Variants in GPD2 observed in about 807,000 individuals in gnomAD.
The protein encoded by GPD2 is glycerol-3-phosphate dehydrogenase 2, also known as glycerol-3-phosphate dehydrogenase, mitochondrial.
In GPD2, 54 loss-of-function variants were observed where a neutral mutation model predicts 82.4. That is an observed-to-expected ratio of 0.66 (90% CI 0.53 to 0.82). The LOEUF (loss-of-function observed/expected upper bound fraction) is 0.82, where lower values mean the gene tolerates loss of function less well. GPD2 is among the 40% of genes least tolerant of loss of function. GPD2 has a pLI of 0.00. For missense variants in GPD2, 748 were observed against 896.2 expected, an observed-to-expected ratio of 0.83 and a Z score of 2.11; for synonymous variants, 288 against 306.1, an observed-to-expected ratio of 0.94 and a Z score of 0.62.
At chr2:156,436,823 T>C (rs1681941690) in intron 1 of GPD2, among the ~76,000 whole-genome samples, 1 of 152,158 alleles carries the variant, frequency 6.6e-6, no homozygotes, top group Admixed American at 6.5e-5. Flanking sequence ...CTGATAAGGA[T>C]TGTTGCTCCC....
chr2:156,486,693 CTTTA>C (rs1435857041), intron 2 of GPD2, among the ~76,000 whole-genome samples: 1 of 152,116 alleles, frequency 6.6e-6, no homozygotes, highest in East Asian at 1.9e-4. Context: ...TCCAATTTTG[CTTTA>C]TTTGTTTTGT....
At chr2:156,569,628 T>G (rs1000346011) in intron 11 of GPD2, 90 bp downstream of exon 11, 30 of 959,884 alleles carry the variant, frequency 3.1e-5, no homozygotes, top group Non-Finnish European at 4.9e-5. Context: ...TCTCCCTGAT[T>G]GAGATTTCCT....
At chr2:156,472,191 C>CT (rs142499458) in intron 1 of GPD2, among the ~76,000 whole-genome samples, 5,779 of 149,058 alleles carry the variant, frequency 0.039, 361 homozygotes, top group African/African-American at 0.13. Context: ...AGGAAATAAT[C>CT]TTTTTTTTTT....
Position 156,476,152 on chromosome 2 carries a change from G to T in GPD2, c.47G>T (p.Gly16Val), listed in dbSNP as rs536298453. The change falls in exon 2 of 17, where the codon GGT (glycine) becomes GTT (valine). Residue 16 changes from glycine (G) to valine (V), a missense_variant. Gly to Val is a moderately radical substitution (Grantham distance 109). Around this residue, in one of 3 missense-constraint regions of GPD2, gnomAD observed 692 missense variants for 809.7 expected, o/e 0.85. Transcript: ENST00000438166. ...AAAGGGACGATTCTTGTTGGAGGAG[G>T]TGCTCTTGCAACTGTTTTAGGACTT... ...AVKGTILVGG[G>V]ALATVLGLSQ... is the part of the protein sequence containing the mutation. 6.2e-7 allele frequency: 1 copy of T among 1,611,268 alleles called. No individual in the cohort carries two copies. The highest frequency in any genetic ancestry group is 8.5e-7 in the Non-Finnish European group (1 of 1,177,472).
chr2:156,400,832 G>A, the GPD2 span, among the ~76,000 whole-genome samples: 2 of 152,278 alleles, frequency 1.3e-5, no homozygotes, highest in East Asian at 1.9e-4. Flanking sequence ...TCAATCCCCG[G>A]CATCTCCAAA....
chr2:156,460,878 T>C (rs755675486), intron 1 of GPD2, among the ~76,000 whole-genome samples: 2 of 152,204 alleles, frequency 1.3e-5, no homozygotes, highest in Non-Finnish European at 2.9e-5. Context: ...ATCTTGTAGA[T>C]TGCAGTTGGT....
At position 156,570,147 on chromosome 2, in the gene GPD2, A is replaced by G; in HGVS notation, c.1537A>G (p.Ser513Gly). The G allele has an allele frequency of 6.2e-7, 1 of 1,612,676 alleles. No homozygotes were observed. Among genetic ancestry groups the G allele is most frequent in the African/African-American group, 1.3e-5 (1 of 75,002 alleles). Reference protein sequence around the residue: ...DKAFEVAKMASVTGKRWPIVG... With the variant: ...DKAFEVAKMAGVTGKRWPIVG... ...GGCCTTTGAGGTGGCCAAAATGGCA[A>G]GTGTGACTGGCAAAAGGTGGCCTAT... Residue 513 changes from serine to glycine, a missense_variant, in exon 12 of 17, where the codon AGT becomes GGT. This residue lies in a region of GPD2 where 692 missense variants were observed against 809.7 expected (regional missense o/e 0.85). Coordinates refer to ENST00000438166, the MANE Select transcript of GPD2 (RefSeq NM_000408.5).
intron 1 of GPD2, among the ~76,000 whole-genome samples, chr2:156,453,478 G>C (rs539483299): frequency 6.6e-6 from 1 of 152,086 alleles, no homozygotes; most frequent in Non-Finnish European, 1.5e-5. Flanking sequence ...TGGAGTCTGC[G>C]GAGTTGATAT....
At chr2:156,461,831 G>A (rs887852323) in intron 1 of GPD2, among the ~76,000 whole-genome samples, 3 of 152,192 alleles carry the variant, frequency 2.0e-5, no homozygotes, top group Non-Finnish European at 4.4e-5. Flanking sequence ...CTGGAACAGT[G>A]CTGGGGATCT....
At chr2:156,503,805 A>G (rs1374510229) in intron 3 of GPD2, among the ~76,000 whole-genome samples, 2 of 152,216 alleles carry the variant, frequency 1.3e-5, no homozygotes, top group African/African-American at 4.8e-5. Flanking sequence ...TTTTGTAACT[A>G]GGAAACCAGG....
At chr2:156,490,526 A>T (rs893113008) in intron 2 of GPD2, among the ~76,000 whole-genome samples, 6 of 152,210 alleles carry the variant, frequency 3.9e-5, no homozygotes, top group African/African-American at 7.2e-5. Flanking sequence ...ACAAAACTAT[A>T]CCAAACAAAC....
At chr2:156,452,154 C>G (rs903263447) in intron 1 of GPD2, among the ~76,000 whole-genome samples, 2 of 152,184 alleles carry the variant, frequency 1.3e-5, no homozygotes, top group African/African-American at 4.8e-5. Context: ...GACTGGGTGG[C>G]GGCCGGGCAG....
At chr2:156,487,817 T>C in intron 2 of GPD2, among the ~76,000 whole-genome samples, 1 of 152,218 alleles carries the variant, frequency 6.6e-6, no homozygotes. Context: ...TTAAAAATAT[T>C]TGAAAACCTA....
intron 2 of GPD2, among the ~76,000 whole-genome samples, chr2:156,477,322 C>T (rs1394241597): frequency 1.3e-5 from 2 of 152,132 alleles, no homozygotes; most frequent in South Asian, 2.1e-4. Context: ...GTCCCAGCTA[C>T]TCTGGAGGCT....
At chr2:156,424,836 T>C in the GPD2 span, among the ~76,000 whole-genome samples, 145,830 of 152,288 alleles carry the variant, frequency 0.96, 70,169 homozygotes, top group East Asian at 1. Flanking sequence ...TTTGTAGAAG[T>C]TACCACTTTT....
chr2:156,526,294 C>T (rs1269058276), intron 6 of GPD2, among the ~76,000 whole-genome samples: 2 of 152,080 alleles, frequency 1.3e-5, no homozygotes, highest in African/African-American at 4.8e-5. Context: ...AAAACAATGA[C>T]ACATCCACTA....
At chr2:156,446,630 A>G (rs895341583) in intron 1 of GPD2, among the ~76,000 whole-genome samples, 3 of 151,246 alleles carry the variant, frequency 2.0e-5, no homozygotes, top group Non-Finnish European at 4.4e-5. Context: ...GCTGGAATGC[A>G]GTGGCACGAT....
the GPD2 span, among the ~76,000 whole-genome samples, chr2:156,409,993 C>A: frequency 6.6e-6 from 1 of 152,080 alleles, no homozygotes; most frequent in Non-Finnish European, 1.5e-5. Flanking sequence ...CTACAGTGTG[C>A]TATGATTGTG....
intron 6 of GPD2, 81 bp from the exon 7 acceptor site, chr2:156,549,527 T>C: frequency 8.4e-7 from 1 of 1,195,666 alleles, no homozygotes; most frequent in South Asian, 1.2e-5. Flanking sequence ...ATGTGACATA[T>C]CTGTTGTGAC....
Sources: allele counts gnomAD v4.1 joint callset (sites outside exome capture counted in the v4.1 genomes callset), GRCh38; gene constraint gnomAD v4.1.1; regional missense constraint gnomAD v4.1.1; transcripts MANE v1.5; gene names NCBI Gene and HGNC (gene_info 2026-07-23, HGNC 2026-07-21).